DGKB: variants seen among roughly 807,000 people sequenced by gnomAD.
The protein encoded by DGKB is diacylglycerol kinase beta, also known as 90 kDa diacylglycerol kinase.
DGKB carries 67 observed loss-of-function variants against 114.3 expected under a neutral mutation model. That is an observed-to-expected ratio of 0.59 (90% CI 0.48 to 0.72). The LOEUF is 0.72. DGKB is among the 30% of genes least tolerant of loss of function. The probability of loss-of-function intolerance (pLI) is 0.00; values close to 1 mark genes in which losing one functional copy is unlikely to be tolerated. For missense variants in DGKB, 907 were observed against 975.2 expected, an observed-to-expected ratio of 0.93 and a Z score of 0.93; for synonymous variants, 398 against 323.1, an observed-to-expected ratio of 1.23 and a Z score of -2.49.
intron 23 of DGKB, among the ~76,000 whole-genome samples, chr7:14,197,994 A>C (rs1263458545): frequency 6.6e-6 from 1 of 152,036 alleles, no homozygotes; most frequent in Non-Finnish European, 1.5e-5. Flanking sequence ...TTGGACTTAA[A>C]GTGTGTGGGG....
intron 23 of DGKB, chr7:14,209,094 C>G (rs1235460479): frequency 1.1e-5 from 2 of 182,806 alleles, no homozygotes; most frequent in Admixed American, 5.6e-5. Context: ...ATAATTATAG[C>G]TAGATGCTGA....
At chr7:14,651,823 A>G (rs1403546063) in intron 13 of DGKB, among the ~76,000 whole-genome samples, 2 of 136,568 alleles carry the variant, frequency 1.5e-5, no homozygotes, top group African/African-American at 2.8e-5. Context: ...AAATCAATGT[A>G]CAAAAATCAC....
intron 20 of DGKB, among the ~76,000 whole-genome samples, chr7:14,506,426 TA>T (rs1482137640): frequency 6.6e-6 from 1 of 152,086 alleles, no homozygotes; most frequent in African/African-American, 2.4e-5. Flanking sequence ...AAACATTTAT[TA>T]AAAAAAGGTA....
intron 21 of DGKB, among the ~76,000 whole-genome samples, chr7:14,346,325 T>C (rs906991236): frequency 6.6e-6 from 1 of 151,946 alleles, no homozygotes; most frequent in Non-Finnish European, 1.5e-5. Flanking sequence ...AATAGAGTGC[T>C]TATTATTATG....
At chr7:14,943,536 C>T (rs1264523510) in intron 1 of DGKB, among the ~76,000 whole-genome samples, 1 of 151,628 alleles carries the variant, frequency 6.6e-6, no homozygotes, top group Non-Finnish European at 1.5e-5. Flanking sequence ...GAATATAAGT[C>T]CTAAACTTGG....
intron 23 of DGKB, among the ~76,000 whole-genome samples, chr7:14,313,790 G>T (rs1489341021): frequency 6.6e-6 from 1 of 152,184 alleles, no homozygotes; most frequent in Non-Finnish European, 1.5e-5. Context: ...ACAGCTCAAG[G>T]AGGCCTGCCT....
intron 1 of DGKB, among the ~76,000 whole-genome samples, chr7:14,887,411 T>C (rs1288188239): frequency 4.0e-5 from 6 of 151,772 alleles, no homozygotes; most frequent in Admixed American, 2.6e-4. Context: ...CTACCTCTTC[T>C]CTATTGCAAA....
chr7:14,556,103 C>G (rs1372666369), intron 20 of DGKB, among the ~76,000 whole-genome samples: 4 of 152,118 alleles, frequency 2.6e-5, no homozygotes, highest in Non-Finnish European at 4.4e-5. Flanking sequence ...TGGATTGGGA[C>G]TCCTTTCCGG....
intron 23 of DGKB, among the ~76,000 whole-genome samples, chr7:14,196,974 G>A (rs1010180393): frequency 5.9e-5 from 9 of 152,002 alleles, no homozygotes; most frequent in African/African-American, 1.2e-4. Flanking sequence ...ATGACTAATC[G>A]TAGTGTGAAA....
chr7:14,957,292 G>C (rs1026511780), intron 1 of DGKB, among the ~76,000 whole-genome samples: 1 of 151,938 alleles, frequency 6.6e-6, no homozygotes, highest in African/African-American at 2.4e-5. Flanking sequence ...ACACCAAGAA[G>C]AAAGACTTAG....
At chr7:14,742,450 G>C (rs921950204) in intron 4 of DGKB, among the ~76,000 whole-genome samples, 7 of 152,112 alleles carry the variant, frequency 4.6e-5, no homozygotes, top group Non-Finnish European at 8.8e-5. Flanking sequence ...TTTAATCTTT[G>C]AGAAATAAAA....
At chr7:14,680,652 C>G (rs1274644193) in intron 12 of DGKB, among the ~76,000 whole-genome samples, 1 of 151,906 alleles carries the variant, frequency 6.6e-6, no homozygotes, top group Non-Finnish European at 1.5e-5. Flanking sequence ...TTTTAAGATG[C>G]TTTGTGTACC....
At chr7:14,710,971 C>A (rs1456485421) in intron 6 of DGKB, among the ~76,000 whole-genome samples, 2 of 152,050 alleles carry the variant, frequency 1.3e-5, no homozygotes, top group African/African-American at 2.4e-5. Context: ...ACTTTAATTT[C>A]TTTAATTAAA....
chr7:14,931,549 A>G (rs916665521), intron 1 of DGKB, among the ~76,000 whole-genome samples: 11 of 152,118 alleles, frequency 7.2e-5, no homozygotes, highest in African/African-American at 2.7e-4. Context: ...CCTTTGGTGA[A>G]AATGCTTGGG....
chr7:14,705,220 A>G (rs370689556), intron 6 of DGKB, among the ~76,000 whole-genome samples: 1 of 152,112 alleles, frequency 6.6e-6, no homozygotes, highest in Non-Finnish European at 1.5e-5. Flanking sequence ...GGGTGTCAGC[A>G]ATGGAAGATG....
chr7:14,932,194 A>G (rs1341101454), intron 1 of DGKB, among the ~76,000 whole-genome samples: 1 of 152,076 alleles, frequency 6.6e-6, no homozygotes, highest in East Asian at 1.9e-4. Context: ...GGGCTGCAGA[A>G]AGGCACTCAC....
intron 1 of DGKB, among the ~76,000 whole-genome samples, chr7:14,919,124 A>ACACACACACACACACACAC (rs1784398616): frequency 1.3e-5 from 2 of 150,964 alleles, no homozygotes; most frequent in African/African-American, 4.9e-5. Flanking sequence ...ACACACACAC[A>ACACACACACACACACACAC]AAGTTTATAT....
chr7:14,208,502 A>G (rs1464702466), intron 23 of DGKB, among the ~76,000 whole-genome samples: 1 of 151,962 alleles, frequency 6.6e-6, no homozygotes, highest in East Asian at 1.9e-4. Flanking sequence ...GCTGGGTTGC[A>G]AGGGATTGTA....
At chr7:14,620,094 C>A (rs764637339) in intron 15 of DGKB, among the ~76,000 whole-genome samples, 1 of 151,064 alleles carries the variant, frequency 6.6e-6, no homozygotes, top group Non-Finnish European at 1.5e-5. Flanking sequence ...AATTTTTTTG[C>A]TAATAAAATT....
Sources: allele counts gnomAD v4.1 joint callset (sites outside exome capture counted in the v4.1 genomes callset), GRCh38; gene constraint gnomAD v4.1.1; transcripts MANE v1.5; gene names NCBI Gene and HGNC (gene_info 2026-07-23, HGNC 2026-07-21).